The following JCAD variants were observed in gnomAD, a reference collection of about 807,000 sequenced individuals.
The protein encoded by JCAD is junctional cadherin 5 associated, also known as junctional cadherin 5-associated protein.
A neutral mutation model predicts 98.0 loss-of-function variants in JCAD; 40 were observed. The ratio of observed to expected loss-of-function variants is 0.41; its 90% CI spans 0.32 to 0.53. The LOEUF (loss-of-function observed/expected upper bound fraction) is 0.53. JCAD is among the 20% of genes least tolerant of loss of function. The probability of loss-of-function intolerance (pLI) is 0.31; values close to 1 mark genes in which losing one functional copy is unlikely to be tolerated. For synonymous variants in JCAD, 691 were observed against 682.3 expected (o/e 1.01, Z -0.20); for missense variants, 1,705 against 1,738.1 (o/e 0.98, Z 0.34).
intron 1 of JCAD, among the ~76,000 whole-genome samples, chr10:30,084,991 T>C (rs147336533): frequency 1.2e-4 from 19 of 152,346 alleles, no homozygotes; most frequent in African/African-American, 4.3e-4. Flanking sequence ...CTTGTTTATA[T>C]AGTCACAGTT....
Position 30,026,376 on chromosome 10 carries a change from G to T in JCAD, c.3772C>A (p.Arg1258Ser). ...ASPPRRADPD[R>S]LMRMKEVSSV... ...CTCACCTCTTTCATTCTCATCAGGC[G>T]GTCAGGGTCTGCTCTCCTAGGCGGG... Residue 1258 changes from arginine (R) to serine (S), a missense_variant, in exon 3 of 4, where the codon CGC (arginine) becomes AGC (serine). Physicochemically the swap from Arg to Ser is moderately radical, Grantham distance 110 (BLOSUM62 -1). Around this residue, in one of 3 missense-constraint regions of JCAD, gnomAD observed 1,278 missense variants for 1,243.1 expected, o/e 1.03. Transcript: ENST00000375377. The T allele has an allele frequency of 6.2e-7, 1 of 1,614,196 alleles. No individual in the cohort carries two copies.
chr10:30,039,179 A>G (rs966681301), intron 2 of JCAD, among the ~76,000 whole-genome samples: 2 of 152,198 alleles, frequency 1.3e-5, no homozygotes, highest in African/African-American at 4.8e-5. Context: ...CCATGCTAGG[A>G]TCCCACTGAT....
intron 1 of JCAD, among the ~76,000 whole-genome samples, chr10:30,112,646 T>C (rs1215039209): frequency 6.6e-6 from 1 of 151,130 alleles, no homozygotes; most frequent in Non-Finnish European, 1.5e-5. Flanking sequence ...CCGACATGGG[T>C]GGATCACCTG....
intron 1 of JCAD, among the ~76,000 whole-genome samples, chr10:30,110,147 A>G (rs1838663611): frequency 6.7e-6 from 1 of 149,932 alleles, no homozygotes. Flanking sequence ...TGTATAGACC[A>G]GCTGATGTGT....
intron 1 of JCAD, among the ~76,000 whole-genome samples, chr10:30,073,698 C>CTTCCTTCCTTCT (rs1837934827): frequency 6.7e-6 from 1 of 149,434 alleles, no homozygotes; most frequent in Non-Finnish European, 1.5e-5. Context: ...TCCTTCCTTC[C>CTTCCTTCCTTCT]TTCCTTCCTT....
At chr10:30,080,871 G>A (rs887074948) in intron 1 of JCAD, among the ~76,000 whole-genome samples, 17 of 152,142 alleles carry the variant, frequency 1.1e-4, no homozygotes, top group African/African-American at 4.1e-4. Context: ...GCCCTCTTAT[G>A]GTCAAACAGC....
chr10:30,023,928 T>C (rs1418850779), intron 3 of JCAD, among the ~76,000 whole-genome samples: 1 of 152,124 alleles, frequency 6.6e-6, no homozygotes, highest in East Asian at 1.9e-4. Flanking sequence ...GGCACCATAA[T>C]TGAGGCAGGA....
At chr10:30,063,632 C>T (rs11007876), upstream of JCAD, among the ~76,000 whole-genome samples, 4,930 of 152,192 alleles carry the variant, frequency 0.032, 258 homozygotes, top group African/African-American at 0.11. Flanking sequence ...GTTGTCTTCA[C>T]TGACACATAA....
chr10:30,115,044 A>G (rs1328960405), intron 1 of JCAD, among the ~76,000 whole-genome samples: 1 of 152,226 alleles, frequency 6.6e-6, no homozygotes, highest in Non-Finnish European at 1.5e-5. Context: ...CCTCAGAGCC[A>G]CTGCCCCAGA....
At chr10:30,105,027 C>G (rs935006893) in intron 1 of JCAD, among the ~76,000 whole-genome samples, 1 of 152,156 alleles carries the variant, frequency 6.6e-6, no homozygotes, top group African/African-American at 2.4e-5. Flanking sequence ...TTTTACTTTA[C>G]AGATCAGGAA....
chr10:30,103,413 C>T (rs1229984551), intron 1 of JCAD, among the ~76,000 whole-genome samples: 2 of 152,096 alleles, frequency 1.3e-5, no homozygotes, highest in Non-Finnish European at 2.9e-5. Flanking sequence ...GTTCTTTTGC[C>T]ATAATATTTA....
intron 1 of JCAD, among the ~76,000 whole-genome samples, chr10:30,085,017 C>T (rs558270307): frequency 6.6e-6 from 1 of 152,238 alleles, no homozygotes; most frequent in South Asian, 2.1e-4. Flanking sequence ...ACTGATTTGC[C>T]ATCACATTAA....
intron 1 of JCAD, among the ~76,000 whole-genome samples, chr10:30,089,511 TC>T (rs1838223406): frequency 1.5e-5 from 2 of 133,368 alleles, no homozygotes; most frequent in Non-Finnish European, 1.6e-5. Context: ...GGATGCTTCT[TC>T]CGTGTGTGTG....
intron 1 of JCAD, among the ~76,000 whole-genome samples, chr10:30,054,708 G>A (rs1272971819): frequency 2.7e-5 from 4 of 148,742 alleles, no homozygotes; most frequent in Admixed American, 6.7e-5. Context: ...TCTCGCTGTC[G>A]CCCAGGCTGG....
In JCAD at chr10:30,047,403, T is replaced by A. The variant is rs2132643306; in HGVS notation, c.281+129A>T. The A allele has an allele frequency of 2.7e-6, 3 of 1,122,674 alleles. No homozygotes were observed. In the East Asian group the frequency reaches 7.4e-5, roughly 28 times the overall value. The allele number at this position is 1,122,674 out of a possible 1,614,324, so 69.5% of individuals were successfully genotyped here. ...ACAAAACAAAAAGCAAAAAAAGTGTTCTTGTGTCTAATACCATTTCTCCCT... is the reference window on the plus strand; with the variant it reads ...ACAAAACAAAAAGCAAAAAAAGTGTACTTGTGTCTAATACCATTTCTCCCT... On this transcript the variant is annotated intron_variant, in intron 2 of 3. Coordinates refer to ENST00000375377, the MANE Select transcript of JCAD (RefSeq NM_020848.4).
intron 2 of JCAD, among the ~76,000 whole-genome samples, chr10:30,037,330 G>T (rs1217857203): frequency 2.6e-5 from 4 of 152,194 alleles, no homozygotes; most frequent in Admixed American, 1.3e-4. Flanking sequence ...GGGGAAATCT[G>T]GGGTCCGGAG....
intron 1 of JCAD, among the ~76,000 whole-genome samples, chr10:30,113,590 A>G (rs1213302006): frequency 2.1e-5 from 3 of 145,662 alleles, no homozygotes; most frequent in African/African-American, 7.7e-5. Flanking sequence ...CTCCCAGCAG[A>G]GAAGAAGGAA....
Position 30,028,985 on chromosome 10 carries a change from G to C in JCAD, c.1163C>G (p.Ser388Ter), listed in dbSNP as rs370726679. The C allele has an allele frequency of 6.2e-7, 1 of 1,613,894 alleles. No homozygotes were observed. Among genetic ancestry groups the C allele is most frequent in the Admixed American group, 1.7e-5 (1 of 59,998 alleles). ...EKAGASGQPP[S>*]GPPGTGNEYG... is the part of the protein sequence containing the mutation. ...CTCATTCCCAGTTCCAGGGGGGCCT[G>C]AAGGAGGCTGACCGCTGGCCCCAGC... is the stretch of plus-strand genomic sequence containing the variant. Residue 388 changes from serine to a stop codon, truncating the protein, a stop_gained, in exon 3 of 4, where the codon TCA becomes TGA. Transcript: ENST00000375377. LOFTEE classifies it high-confidence loss of function.
chr10:30,033,977 G>A (rs574120243), intron 2 of JCAD, among the ~76,000 whole-genome samples: 5 of 152,206 alleles, frequency 3.3e-5, no homozygotes, highest in Admixed American at 1.3e-4. Flanking sequence ...TTATCCTAGC[G>A]CTTTGGAGGC....
Sources: gnomAD v4.1 joint callset for allele counts (sites outside exome capture counted in the v4.1 genomes callset) on GRCh38, gnomAD v4.1.1 for gene constraint, gnomAD v4.1.1 regional missense constraint, MANE v1.5 for transcripts, NCBI Gene and HGNC (gene_info 2026-07-23, HGNC 2026-07-21) for gene names.